The following SPTA1 variants were observed in gnomAD, a reference collection of about 807,000 sequenced individuals.
SPTA1 encodes the protein spectrin alpha, erythrocytic 1, also known as spectrin alpha chain, erythrocytic 1.
In SPTA1, 177 loss-of-function variants were observed where a neutral mutation model predicts 324.7. The ratio of observed to expected loss-of-function variants is 0.55; its 90% CI spans 0.48 to 0.62. SPTA1 has a LOEUF of 0.62. SPTA1 is among the 20% of genes least tolerant of loss of function. SPTA1 has a pLI of 0.00. For missense variants in SPTA1, 3,162 were observed against 2,883.6 expected (o/e 1.10, Z -2.21); for synonymous variants, 1,195 against 1,041.3 (o/e 1.15, Z -2.84).
intron 29 of SPTA1, among the ~76,000 whole-genome samples, chr1:158,644,801 C>G (rs904241215): frequency 6.6e-6 from 1 of 152,134 alleles, no homozygotes; most frequent in Non-Finnish European, 1.5e-5. Flanking sequence ...TCTCACTGTA[C>G]TAGTAAAATT....
intron 49 of SPTA1, 97 bp downstream of exon 49, chr1:158,614,156 T>C: frequency 1.9e-6 from 2 of 1,043,924 alleles, no homozygotes; most frequent in Middle Eastern, 2.4e-4. Flanking sequence ...CATTTAAGAT[T>C]CCACCAAGCC....
intron 42 of SPTA1, 143 bp downstream of exon 42, chr1:158,626,003 T>G: frequency 1.5e-6 from 1 of 657,288 alleles, no homozygotes; most frequent in Non-Finnish European, 2.6e-6. Flanking sequence ...AAAATAATAA[T>G]TAGGAAATTA....
At chr1:158,671,001 G>A (rs1233623904) in intron 12 of SPTA1, among the ~76,000 whole-genome samples, 2 of 151,352 alleles carry the variant, frequency 1.3e-5, no homozygotes, top group African/African-American at 2.4e-5. Context: ...AAAAAAACAT[G>A]GCTACCATCT....
chr1:158,643,246 C>A, intron 31 of SPTA1, 76 bp downstream of exon 31: 1 of 1,513,006 alleles, frequency 6.6e-7, no homozygotes, highest in Non-Finnish European at 9.2e-7. Context: ...CAGAGTATTC[C>A]CCCATCTCAA....
At position 158,623,065 on chromosome 1, in the gene SPTA1, A is replaced by G. The variant is rs759083985; in HGVS notation, c.6038T>C (p.Leu2013Pro). 6.2e-7 allele frequency: 1 copy of G among 1,614,186 alleles called. No homozygotes were observed. The highest frequency in any genetic ancestry group is 1.7e-5 in the Admixed American group (1 of 60,030). Residue 2013 changes from leucine (L) to proline (P), a missense_variant, in exon 43 of 52, where the codon CTG becomes CCG. By Grantham distance (98) the Leu-to-Pro change is moderately conservative. Transcript: ENST00000643759. Reference sequence around the variant, plus strand: ...CAGCAACTGTTCCCAGCGCTTCAGCAGAGCGGCATAACGCTCTTCAATGGC... The same window carrying G: ...CAGCAACTGTTCCCAGCGCTTCAGCGGAGCGGCATAACGCTCTTCAATGGC... ...SKAIEERYAALLKRWEQLLEA... is the reference protein window; with the variant it reads ...SKAIEERYAAPLKRWEQLLEA...
chr1:158,686,163 A>G (rs937945671), intron 1 of SPTA1, among the ~76,000 whole-genome samples: 5 of 152,202 alleles, frequency 3.3e-5, no homozygotes, highest in Non-Finnish European at 7.3e-5. Context: ...CCTCCTAAGT[A>G]TAATTGCTAC....
rs1197068796 is a variant in SPTA1 at position 158,610,844 on chromosome 1, A to G, written c.*420T>C. 6.4e-6 allele frequency: 1 copy of G among 157,054 alleles called. No individual in the cohort carries two copies. 9.7% of individuals were successfully genotyped at this position (157,054 alleles called of 1,614,324 possible). ...TTCTTTACAGTAAAATTAGCTGCCC[A>G]CTCTTATATGAGTACAGTTCCCAGA... is the stretch of plus-strand genomic sequence containing the variant. On this transcript the variant is annotated 3_prime_UTR_variant, in exon 52 of 52. Transcript: ENST00000643759.
intron 24 of SPTA1, among the ~76,000 whole-genome samples, chr1:158,650,488 A>T (rs766424801): frequency 6.6e-6 from 1 of 152,154 alleles, no homozygotes; most frequent in African/African-American, 2.4e-5. Context: ...TGTTCATTAG[A>T]TCTTTTATGG....
chr1:158,634,587 A>C lies in SPTA1; in HGVS notation c.5521T>G (p.Leu1841Val). 1 of 1,614,134 alleles carries C rather than the reference A, an allele frequency of 6.2e-7. No individual in the cohort carries two copies. The highest frequency in any genetic ancestry group is 8.5e-7 in the Non-Finnish European group (1 of 1,180,032). ...EEAWINEKNALAVRGDCGDTL... is the reference protein window; with the variant it reads ...EEAWINEKNAVAVRGDCGDTL... ...TCTCCACAATCTCCTCGGACAGCCA[A>C]AGCATTCTTTTCATTGATCCAAGCT... is the stretch of plus-strand genomic sequence containing the variant. The change falls in exon 39 of 52, where the codon TTG (leucine) becomes GTG (valine). Residue 1841 changes from leucine to valine, a missense_variant. By Grantham distance (32) the Leu-to-Val change is conservative. Coordinates refer to ENST00000643759, the MANE Select transcript of SPTA1 (RefSeq NM_003126.4).
chr1:158,645,912 G>A (rs857676), intron 27 of SPTA1, among the ~76,000 whole-genome samples: 91,475 of 151,950 alleles, frequency 0.6, 27,763 homozygotes, highest in Middle Eastern at 0.69. Context: ...TGCCTATGTG[G>A]TATAACTAAA....
rs370881201 is a variant in SPTA1, at chr1:158,648,609, G to T, written c.3614C>A (p.Ala1205Asp). The T allele has an allele frequency of 1.2e-6, 2 of 1,613,914 alleles. No homozygotes were observed. Among genetic ancestry groups the T allele is most frequent in the Non-Finnish European group, 1.7e-6 (2 of 1,179,952 alleles). The change falls in exon 26 of 52, where the codon GCC becomes GAC. Residue 1205 changes from alanine (A) to aspartate (D), a missense_variant. Ala to Asp is a moderately radical substitution (Grantham distance 126). Transcript: ENST00000643759. ...TGAGCCAGGGTCTGCAGCACTGAGGGCCTGGCATTTCTTCTCAATCTGCTC... is the reference window on the plus strand; with the variant it reads ...TGAGCCAGGGTCTGCAGCACTGAGGTCCTGGCATTTCTTCTCAATCTGCTC... The part of the protein sequence containing the change: ...TKEQIEKKCQ[A>D]LSAADPGSDL...
chr1:158,619,101 G>C (rs1014602770), intron 45 of SPTA1, 121 bp downstream of exon 45: 2 of 966,696 alleles, frequency 2.1e-6, no homozygotes, highest in Non-Finnish European at 3.4e-6. Flanking sequence ...GCAAGATATG[G>C]GGATTTTAGG....
rs774789840 is a variant in SPTA1, at chr1:158,645,180, T to A, written c.4194+8A>T. On this transcript the variant is annotated splice_region_variant and intron_variant, in intron 29 of 51. Transcript: ENST00000643759. ...GAACCTGCTTAACAATTGGGAAATT[T>A]GCTGTACCTGCAACTCCAGGCACTG... The A allele has an allele frequency of 6.2e-7, 1 of 1,613,614 alleles. No homozygotes were observed. Among genetic ancestry groups the A allele is most frequent in the African/African-American group, 1.3e-5 (1 of 74,906 alleles).
At chr1:158,642,164 T>TG (rs1205918320) in intron 33 of SPTA1, among the ~76,000 whole-genome samples, 1 of 149,512 alleles carries the variant, frequency 6.7e-6, no homozygotes, top group Non-Finnish European at 1.5e-5. Flanking sequence ...TGTTGTGGGG[T>TG]GGGGGGAGGA....
intron 15 of SPTA1, among the ~76,000 whole-genome samples, chr1:158,667,528 G>C (rs1571496262): frequency 6.6e-6 from 1 of 152,090 alleles, no homozygotes; most frequent in Non-Finnish European, 1.5e-5. Context: ...AAAACTCATG[G>C]TTCAAAAATA....
chr1:158,632,360 A>G (rs1022326729), intron 39 of SPTA1, among the ~76,000 whole-genome samples: 2 of 152,206 alleles, frequency 1.3e-5, no homozygotes, highest in African/African-American at 4.8e-5. Context: ...GCATTTCTAT[A>G]CAGCCTACAA....
intron 29 of SPTA1, 40 bp downstream of exon 29, chr1:158,645,148 G>C (rs1431851382): frequency 6.2e-7 from 1 of 1,607,802 alleles, no homozygotes; most frequent in Admixed American, 1.7e-5. Flanking sequence ...AGGAGAAACA[G>C]ACTACTGAAC....
At chr1:158,667,641 T>A (rs1653706450) in intron 15 of SPTA1, among the ~76,000 whole-genome samples, 2 of 152,148 alleles carry the variant, frequency 1.3e-5, no homozygotes, top group African/African-American at 4.8e-5. Context: ...TTTAAAAACC[T>A]TACACCCTTG....
intron 42 of SPTA1, among the ~76,000 whole-genome samples, chr1:158,624,224 C>T (rs1650115401): frequency 6.6e-6 from 1 of 152,204 alleles, no homozygotes; most frequent in Non-Finnish European, 1.5e-5. Context: ...TGACAGAGCC[C>T]TCACTGGGGT....
Sources: gnomAD v4.1 joint callset for allele counts (sites outside exome capture counted in the v4.1 genomes callset) on GRCh38, gnomAD v4.1.1 for gene constraint, MANE v1.5 for transcripts, NCBI Gene and HGNC (gene_info 2026-07-23, HGNC 2026-07-21) for gene names.